The following CNNM2 variants were observed in gnomAD, a reference collection of about 807,000 sequenced individuals.
CNNM2 encodes the protein metal transporter CNNM2.
A neutral mutation model predicts 66.9 loss-of-function variants in CNNM2; 12 were observed. The observed-to-expected ratio is 0.18, with a 90% CI of 0.11 to 0.29. The LOEUF is 0.29. Among genes scored for constraint, CNNM2 ranks in the 10% least tolerant of loss-of-function variants. The pLI, the probability that CNNM2 is intolerant of heterozygous loss-of-function variation, is 1.00. For missense variants in CNNM2, 705 were observed against 1,167.7 expected (o/e 0.60, Z 5.77); for synonymous variants, 557 against 501.8 (o/e 1.11, Z -1.47).
chr10:103,059,300 A>G (rs2065345493), intron 4 of CNNM2, among the ~76,000 whole-genome samples: 1 of 152,190 alleles, frequency 6.6e-6, no homozygotes, highest in Admixed American at 6.5e-5. Context: ...AGCACTAAAT[A>G]AGAAAAAAGC....
intron 4 of CNNM2, among the ~76,000 whole-genome samples, chr10:103,063,750 G>A (rs1050139170): frequency 9.9e-5 from 15 of 152,118 alleles, no homozygotes; most frequent in African/African-American, 2.7e-4. Flanking sequence ...GGGAATTCTT[G>A]GAATTCATCA....
chr10:103,021,316 T>C (rs370049214), intron 1 of CNNM2, among the ~76,000 whole-genome samples: 5 of 152,266 alleles, frequency 3.3e-5, no homozygotes, highest in African/African-American at 9.6e-5. Context: ...CTTGGAAGAA[T>C]GCACTGCACA....
At chr10:103,007,719 C>A (rs2064255476) in intron 1 of CNNM2, among the ~76,000 whole-genome samples, 1 of 152,138 alleles carries the variant, frequency 6.6e-6, no homozygotes, top group East Asian at 1.9e-4. Flanking sequence ...CACTGTTATT[C>A]TGTTCTTTTT....
chr10:103,077,491 G>A lies in CNNM2; in HGVS notation c.*311G>A, dbSNP rs376027544. On this transcript the variant is annotated 3_prime_UTR_variant, in exon 8 of 8. Coordinates refer to ENST00000369878, the MANE Select transcript of CNNM2 (RefSeq NM_017649.5). ...TCATTATTCACACTCCTCTGCCCTC[G>A]ATTTGCATGAAGTTGAAAATTGTTG... 1.6e-3 allele frequency: 529 copies of A among 328,662 alleles called. 14 individuals carry two copies. The South Asian group carries it at 0.029, about 18-fold the overall frequency. The allele number at this position is 328,662 out of a possible 1,614,324, so 20.4% of individuals were successfully genotyped here.
In CNNM2 at chr10:102,991,177, G is replaced by A. The variant is rs376117578; in HGVS notation, c.1622-58530G>A. ...AATATTTTATATTTTTAGTAGAGAC[G>A]AGGTTTCACCATGTTGGCCAGACTG... is the stretch of plus-strand genomic sequence containing the variant. On this transcript the variant is annotated intron_variant, in intron 1 of 7. Transcript: ENST00000369878. 1.4e-3 allele frequency among the ~76,000 whole-genome samples: 207 copies of A among 152,018 alleles called. 5 individuals are homozygous for A. The highest frequency in any genetic ancestry group is 1.4e-3 in the Non-Finnish European group (97 of 67,984).
rs11191464 is a variant in CNNM2, at chr10:102,922,391, T to C, written c.1621+2290T>C. Among the ~76,000 whole-genome samples the C allele has an allele frequency of 0.11, 17,368 of 152,190 alleles. 1,173 individuals are homozygous for C. The highest frequency in any genetic ancestry group is 0.15 in the Non-Finnish European group (10,069 of 67,994). On this transcript the variant is annotated intron_variant, in intron 1 of 7. Coordinates refer to ENST00000369878, the MANE Select transcript of CNNM2 (RefSeq NM_017649.5). ...CTGTCAGTTATATTGGTTCTTTTTT[T>C]TATGTCTGAGTTAAAACATTTTACC...
At chr10:103,061,876 T>A (rs2065391713) in intron 4 of CNNM2, among the ~76,000 whole-genome samples, 1 of 148,674 alleles carries the variant, frequency 6.7e-6, no homozygotes, top group South Asian at 2.1e-4. Context: ...TAAAAAAAAA[T>A]GATATTTATA....
At chr10:103,004,643 A>G (rs1191979648) in intron 1 of CNNM2, among the ~76,000 whole-genome samples, 3 of 152,202 alleles carry the variant, frequency 2.0e-5, no homozygotes, top group Non-Finnish European at 4.4e-5. Flanking sequence ...GCCATAGGAT[A>G]TGCTTGTGTT....
At chr10:103,043,070 C>G (rs972708653) in intron 1 of CNNM2, among the ~76,000 whole-genome samples, 1 of 152,230 alleles carries the variant, frequency 6.6e-6, no homozygotes, top group Non-Finnish European at 1.5e-5. Flanking sequence ...CATCTCACAA[C>G]TTCAGGGAAA....
Position 102,934,335 on chromosome 10 carries a change from C to T in CNNM2, c.1621+14234C>T, listed in dbSNP as rs200064210. 2.8e-5 allele frequency among the ~76,000 whole-genome samples: 4 copies of T among 144,574 alleles called. No individual in the cohort carries two copies. In the East Asian group the frequency reaches 8.2e-4, roughly 30 times the overall value. 94.8% of individuals were successfully genotyped at this position (144,574 alleles called of 152,430 possible). ...TGTCGCCCAGGCTGGAGTGCAAGTG[C>T]TGTGGTGCGATCTCTGCTCACTGCA... On this transcript the variant is annotated intron_variant, in intron 1 of 7. Coordinates refer to ENST00000369878, the MANE Select transcript of CNNM2 (RefSeq NM_017649.5).
At chr10:103,012,587 G>T (rs1235606128) in intron 1 of CNNM2, among the ~76,000 whole-genome samples, 1 of 151,530 alleles carries the variant, frequency 6.6e-6, no homozygotes, top group Non-Finnish European at 1.5e-5. Flanking sequence ...GGCGAAGGTT[G>T]CAGTGAGCCG....
intron 1 of CNNM2, among the ~76,000 whole-genome samples, chr10:102,955,182 A>T (rs1268637240): frequency 6.6e-6 from 1 of 152,218 alleles, no homozygotes; most frequent in Non-Finnish European, 1.5e-5. Flanking sequence ...AAACAGAGGT[A>T]TAGACCAATG....
At chr10:102,977,648 C>T (rs2063656743) in intron 1 of CNNM2, among the ~76,000 whole-genome samples, 1 of 152,102 alleles carries the variant, frequency 6.6e-6, no homozygotes, top group Non-Finnish European at 1.5e-5. Flanking sequence ...TAATGAAATT[C>T]TGTCTCTACT....
chr10:103,067,189 A>G (rs1451745887), intron 4 of CNNM2, among the ~76,000 whole-genome samples: 1 of 151,180 alleles, frequency 6.6e-6, no homozygotes, highest in Non-Finnish European at 1.5e-5. Context: ...TCACAGGTTC[A>G]AGTAATCCTC....
intron 4 of CNNM2, among the ~76,000 whole-genome samples, chr10:103,064,109 A>G (rs1403175552): frequency 6.6e-6 from 1 of 152,234 alleles, no homozygotes; most frequent in African/African-American, 2.4e-5. Flanking sequence ...ATAGAATGCT[A>G]TTATAGAACT....
chr10:103,027,942 TCA>T (rs1189047078), intron 1 of CNNM2, among the ~76,000 whole-genome samples: 1 of 152,210 alleles, frequency 6.6e-6, no homozygotes, highest in Non-Finnish European at 1.5e-5. Flanking sequence ...TTGCTCTCAG[TCA>T]CACAGGTAGT....
chr10:102,982,538 G>C (rs1193608166), intron 1 of CNNM2, among the ~76,000 whole-genome samples: 1 of 152,234 alleles, frequency 6.6e-6, no homozygotes, highest in African/African-American at 2.4e-5. Flanking sequence ...GGAGAGAGAA[G>C]CTGGCCCAGC....
Position 102,935,605 on chromosome 10 carries a change from AT to A in CNNM2, c.1621+15523del, listed in dbSNP as rs34763981. 4.2e-3 allele frequency among the ~76,000 whole-genome samples: 537 copies of A among 128,052 alleles called. 1 individual carries two copies. Among genetic ancestry groups the A allele is most frequent in the African/African-American group, 9.0e-3 (303 of 33,806 alleles). 84.0% of individuals were successfully genotyped at this position (128,052 alleles called of 152,430 possible). A position where few individuals can be genotyped will look rare whatever the true frequency, so the allele number is the denominator to read the frequency against. The stretch of plus-strand genomic sequence containing the variant: ...GAGCAGTATGGTCCTTTAAAAAAAA[AT>A]TTTTTTTTTTTTTTTTTTGAGACAG... On this transcript the variant is annotated intron_variant, in intron 1 of 7. Coordinates refer to ENST00000369878, the MANE Select transcript of CNNM2 (RefSeq NM_017649.5).
chr10:103,015,435 A>G (rs1476496948), intron 1 of CNNM2, among the ~76,000 whole-genome samples: 1 of 151,832 alleles, frequency 6.6e-6, no homozygotes, highest in African/African-American at 2.4e-5. Context: ...AACTGTGTCT[A>G]ATAAATACTC....
Sources: gnomAD v4.1 joint callset for allele counts (sites outside exome capture counted in the v4.1 genomes callset) on GRCh38, gnomAD v4.1.1 for gene constraint, MANE v1.5 for transcripts, NCBI Gene and HGNC (gene_info 2026-07-23, HGNC 2026-07-21) for gene names.